ZHX3: variants seen among roughly 807,000 people sequenced by gnomAD.
ZHX3 encodes zinc fingers and homeoboxes protein 3.
A neutral mutation model predicts 64.5 loss-of-function variants in ZHX3; 20 were observed. The observed-to-expected ratio is 0.31, with a 90% CI of 0.22 to 0.45. The LOEUF is 0.45. Among genes scored for constraint, ZHX3 ranks in the 20% least tolerant of loss-of-function variants. ZHX3 has a pLI of 1.00. For synonymous variants in ZHX3, 423 were observed against 461.6 expected (o/e 0.92, Z 1.07); for missense variants, 1,041 against 1,195.8 (o/e 0.87, Z 1.91).
intron 3 of ZHX3, among the ~76,000 whole-genome samples, chr20:41,191,805 T>G (rs1600713516): frequency 6.6e-6 from 1 of 152,166 alleles, no homozygotes; most frequent in African/African-American, 2.4e-5. Context: ...AGTGGCTGAG[T>G]AGTTACTAGT....
chr20:41,276,064 G>T (rs1267177161), intron 1 of ZHX3, among the ~76,000 whole-genome samples: 1 of 152,196 alleles, frequency 6.6e-6, no homozygotes, highest in African/African-American at 2.4e-5. Context: ...TGAGATAGGA[G>T]AGGAGATGCT....
At chr20:41,288,443 T>C (rs1432928860) in intron 1 of ZHX3, among the ~76,000 whole-genome samples, 1 of 152,234 alleles carries the variant, frequency 6.6e-6, no homozygotes, top group Non-Finnish European at 1.5e-5. Context: ...TTAATAAATA[T>C]CTGCTAAATG....
intron 1 of ZHX3, among the ~76,000 whole-genome samples, chr20:41,298,008 G>A (rs1260994898): frequency 6.6e-6 from 1 of 152,148 alleles, no homozygotes; most frequent in Admixed American, 6.5e-5. Flanking sequence ...AGCCTTAGCT[G>A]TCAGCACCCG....
chr20:41,313,653 A>G (rs1193723257), intron 1 of ZHX3, among the ~76,000 whole-genome samples: 2 of 129,632 alleles, frequency 1.5e-5, no homozygotes, highest in African/African-American at 3.0e-5. Context: ...GCTGGAGTGC[A>G]GTGGCGAGAT....
In ZHX3 at chr20:41,204,288, G is replaced by A; in HGVS notation, c.629C>T (p.Pro210Leu). The change falls in exon 3 of 4, where the codon CCT (proline) becomes CTT (leucine). Residue 210 changes from proline to leucine, a missense_variant. By Grantham distance (98) the Pro-to-Leu change is moderately conservative (BLOSUM62 -3). Coordinates refer to ENST00000683867, the MANE Select transcript of ZHX3 (RefSeq NM_001384317.1). The surrounding 1 kb of genome is among the most constrained non-coding windows in gnomAD (Gnocchi z 6.6). ...HTLKENVPSQ[P>L]VGEALPKLST... is the part of the protein sequence containing the mutation. Reference sequence around the variant, plus strand: ...CAGCTTTGGTAAGGCCTCACCCACAGGCTGGCTAGGGACATTCTCCTTGAG... The same window carrying A: ...CAGCTTTGGTAAGGCCTCACCCACAAGCTGGCTAGGGACATTCTCCTTGAG... 1.1e-5 allele frequency: 18 copies of A among 1,614,250 alleles called. No individual in the cohort carries two copies. The highest frequency in any genetic ancestry group is 1.5e-5 in the Non-Finnish European group (18 of 1,180,048).
chr20:41,273,037 T>C (rs1303691803), intron 1 of ZHX3, among the ~76,000 whole-genome samples: 2 of 149,292 alleles, frequency 1.3e-5, no homozygotes, highest in Non-Finnish European at 2.9e-5. Flanking sequence ...TCAATGCTTG[T>C]AATTTTGTTT....
intron 2 of ZHX3, among the ~76,000 whole-genome samples, chr20:41,234,198 T>C (rs2040812361): frequency 6.6e-6 from 1 of 152,272 alleles, no homozygotes; most frequent in Admixed American, 6.5e-5. Flanking sequence ...CAATTGTGGG[T>C]ACAAGATTCC....
At chr20:41,210,242 G>A (rs2039054442) in intron 2 of ZHX3, among the ~76,000 whole-genome samples, 1 of 152,206 alleles carries the variant, frequency 6.6e-6, no homozygotes. Context: ...CTTTTACACT[G>A]TTGGTGGGAC....
intron 2 of ZHX3, among the ~76,000 whole-genome samples, chr20:41,223,634 C>T (rs1286886345): frequency 6.6e-6 from 1 of 152,128 alleles, no homozygotes; most frequent in African/African-American, 2.4e-5. Flanking sequence ...AGTGTTTGCC[C>T]CTGGCGAGGG....
intron 1 of ZHX3, among the ~76,000 whole-genome samples, chr20:41,284,721 T>C (rs2043850311): frequency 6.6e-6 from 1 of 152,210 alleles, no homozygotes; most frequent in Non-Finnish European, 1.5e-5. Flanking sequence ...TGGAAAGTTT[T>C]CGGGAGCCCT....
At position 41,225,695 on chromosome 20, in the gene ZHX3, C is replaced by T. The variant is rs200180402; in HGVS notation, c.-150-20629G>A. Among the ~76,000 whole-genome samples the T allele has an allele frequency of 2.6e-5, 4 of 152,252 alleles. No individual in the cohort carries two copies. The East Asian group carries it at 7.7e-4, about 29-fold the overall frequency. On this transcript the variant is annotated intron_variant, in intron 2 of 3. Transcript: ENST00000683867. The stretch of plus-strand genomic sequence containing the variant: ...TAGAGACAGGGTTTCGCCATGTTGG[C>T]CAGGCTGGTCTCGAACTCCTGACCT...
intron 2 of ZHX3, among the ~76,000 whole-genome samples, chr20:41,256,049 A>G (rs1018536827): frequency 2.0e-5 from 3 of 152,246 alleles, no homozygotes; most frequent in African/African-American, 7.2e-5. Context: ...AGTATTAATG[A>G]AAACATTTTT....
chr20:41,291,396 C>T (rs1040094703), intron 1 of ZHX3, among the ~76,000 whole-genome samples: 2 of 152,170 alleles, frequency 1.3e-5, no homozygotes, highest in African/African-American at 4.8e-5. Context: ...TAAGAAGATG[C>T]TAACACCATG....
At chr20:41,264,089 C>G (rs574074330) in intron 2 of ZHX3, among the ~76,000 whole-genome samples, 2 of 152,000 alleles carry the variant, frequency 1.3e-5, no homozygotes, top group Admixed American at 6.6e-5. Flanking sequence ...AAATAAAATA[C>G]CTAACCAGAC....
intron 1 of ZHX3, among the ~76,000 whole-genome samples, chr20:41,270,103 A>G (rs1190656667): frequency 6.6e-6 from 1 of 152,186 alleles, no homozygotes; most frequent in African/African-American, 2.4e-5. Context: ...GAAAAGCATT[A>G]TGTTAAGGCC....
In ZHX3 at chr20:41,202,941, CA is replaced by C. The variant is rs752000172; in HGVS notation, c.1975del (p.Trp659GlyfsTer9). The C allele has an allele frequency of 6.2e-7, 1 of 1,614,098 alleles. No homozygotes were observed. On this transcript the variant is annotated frameshift_variant, in exon 3 of 4. Coordinates refer to ENST00000683867, the MANE Select transcript of ZHX3 (RefSeq NM_001384317.1). LOFTEE classifies it high-confidence loss of function. The surrounding 1 kb of genome is among the most constrained non-coding windows in gnomAD (Gnocchi z 7.0). Reference sequence around the variant, plus strand: ...CACTTTTTTCCGTCTCTCTGAAAACCAGCTATCAATTTCTCGTCGGGTCATT... The same window carrying C: ...CACTTTTTTCCGTCTCTCTGAAAACCGCTATCAATTTCTCGTCGGGTCATT... ...TKMTRREIDS[W>X]FSERRKKVNA...
intron 2 of ZHX3, among the ~76,000 whole-genome samples, chr20:41,229,223 C>T (rs761060339): frequency 1.4e-4 from 21 of 152,142 alleles, no homozygotes; most frequent in Non-Finnish European, 2.9e-4. Context: ...CAAGTTTCAT[C>T]CATATTATAT....
At chr20:41,234,607 A>G (rs935679046) in intron 2 of ZHX3, among the ~76,000 whole-genome samples, 6 of 152,250 alleles carry the variant, frequency 3.9e-5, no homozygotes, top group African/African-American at 1.4e-4. Context: ...TTGAGCACTC[A>G]GAAGAATTTG....
In ZHX3 at chr20:41,204,488, G is replaced by C. The variant is rs774673355; in HGVS notation, c.429C>G (p.Ala143=). The C allele has an allele frequency of 2.5e-6, 4 of 1,614,152 alleles. No homozygotes were observed. Among genetic ancestry groups the C allele is most frequent in the Non-Finnish European group, 3.4e-6 (4 of 1,180,030 alleles). Residue 143 remains alanine (A), a synonymous_variant, in exon 3 of 4, where the codon GCC becomes GCG. Coordinates refer to ENST00000683867, the MANE Select transcript of ZHX3 (RefSeq NM_001384317.1). The surrounding 1 kb of genome is among the most constrained non-coding windows in gnomAD (Gnocchi z 6.6). ...CCACAACCACATGATTGTCTGGCTT[G>C]GCCACGTTCCACACAAAGCTGGCTT... is the stretch of plus-strand genomic sequence containing the variant. ...SGEASFVWNV[A]KPDNHVVVEQ... is the part of the protein sequence containing the mutation.
Sources: allele counts gnomAD v4.1 joint callset (sites outside exome capture counted in the v4.1 genomes callset), GRCh38; gene constraint gnomAD v4.1.1; non-coding constraint Gnocchi (gnomAD v3.1); transcripts MANE v1.5; gene names NCBI Gene and HGNC (gene_info 2026-07-23, HGNC 2026-07-21).